KDM1B: variants seen among roughly 807,000 people sequenced by gnomAD.
KDM1B encodes the protein lysine demethylase 1B.
KDM1B carries 63 observed loss-of-function variants against 107.4 expected under a neutral mutation model. The ratio of observed to expected loss-of-function variants is 0.59; its 90% CI spans 0.48 to 0.72. The LOEUF is 0.72. Ranked by LOEUF, KDM1B falls within the 30% of genes least tolerant of loss-of-function variation. KDM1B has a pLI of 0.00. For missense variants in KDM1B, 749 were observed against 1,020.8 expected (o/e 0.73, Z 3.63); for synonymous variants, 363 against 363.9 (o/e 1.00, Z 0.03).
At chr6:18,192,382 A>G (rs1367220580) in intron 10 of KDM1B, among the ~76,000 whole-genome samples, 1 of 152,222 alleles carries the variant, frequency 6.6e-6, no homozygotes, top group Non-Finnish European at 1.5e-5. Context: ...GATCTTGACT[A>G]AAGAAAGATA....
chr6:18,163,896 A>G (rs951270059), intron 5 of KDM1B, among the ~76,000 whole-genome samples: 2 of 152,060 alleles, frequency 1.3e-5, no homozygotes, highest in African/African-American at 4.8e-5. Context: ...GTATTTTGCT[A>G]TTGTCAGGTG....
At chr6:18,182,970 C>T (rs1382518894) in intron 7 of KDM1B, among the ~76,000 whole-genome samples, 7 of 152,164 alleles carry the variant, frequency 4.6e-5, no homozygotes, top group Non-Finnish European at 7.3e-5. Context: ...AGCTTTCTAT[C>T]TGTGCTATTT....
intron 10 of KDM1B, among the ~76,000 whole-genome samples, chr6:18,196,776 G>A (rs1228402402): frequency 2.0e-5 from 3 of 152,134 alleles, no homozygotes; most frequent in African/African-American, 2.4e-5. Flanking sequence ...TAGAGGTAGC[G>A]TAAAGCATGC....
chr6:18,195,210 A>G (rs1787562671), intron 10 of KDM1B, among the ~76,000 whole-genome samples: 1 of 152,030 alleles, frequency 6.6e-6, no homozygotes, highest in Non-Finnish European at 1.5e-5. Flanking sequence ...AATTGTTTCC[A>G]CCTTTTCCCT....
intron 21 of KDM1B, among the ~76,000 whole-genome samples, chr6:18,219,066 C>T (rs1456747166): frequency 6.6e-6 from 1 of 151,998 alleles, no homozygotes; most frequent in Non-Finnish European, 1.5e-5. Flanking sequence ...CCACGCCCGA[C>T]TAATTTTTTG....
rs920110586 is a variant in KDM1B, at chr6:18,201,130, AGTGTTTGT to A, written c.1360-342_1360-335del. Among the ~76,000 whole-genome samples, 7 of 152,126 alleles carry A rather than the reference AGTGTTTGT, an allele frequency of 4.6e-5. No individual in the cohort carries two copies. The East Asian group carries it at 5.8e-4, about 13-fold the overall frequency. On this transcript the variant is annotated intron_variant, in intron 13 of 21. Coordinates refer to ENST00000650836, the MANE Select transcript of KDM1B (RefSeq NM_001364614.2). The surrounding 1 kb of genome is among the most constrained non-coding windows in gnomAD (Gnocchi z 4.3). The stretch of plus-strand genomic sequence containing the variant: ...CAATTCAATTTCAACTTCTGCTATG[AGTGTTTGT>A]GTGTTTGTGTGTTCATTTACATGAG...
intron 2 of KDM1B, among the ~76,000 whole-genome samples, chr6:18,158,093 G>T (rs1488666109): frequency 6.6e-6 from 1 of 152,026 alleles, no homozygotes; most frequent in East Asian, 1.9e-4. Flanking sequence ...GATTACAGGC[G>T]TGAGCCACCG....
Position 18,208,116 on chromosome 6 carries a change from A to G in KDM1B, c.1792-16A>G. On this transcript the variant is annotated splice_polypyrimidine_tract_variant and intron_variant, in intron 16 of 21. Coordinates refer to ENST00000650836, the MANE Select transcript of KDM1B (RefSeq NM_001364614.2). ...GTTCCATCCCTCACTTTTTTTCATA[A>G]TTGCTTTTTGAGCAGGTGCAGTGTA... is the stretch of plus-strand genomic sequence containing the variant. 6.2e-7 allele frequency: 1 copy of G among 1,604,668 alleles called. No homozygotes were observed. The highest frequency in any genetic ancestry group is 8.5e-7 in the Non-Finnish European group (1 of 1,172,700).
rs141946722 is a variant in KDM1B, at chr6:18,182,256, A to C, written c.535-3516A>C. On this transcript the variant is annotated intron_variant, in intron 7 of 21. Transcript: ENST00000650836. ...CCCCAACCCCAGTCACCCTCCTTTG[A>C]GACCCCTTCATCTTATTGTTCCAGT... 4.7e-3 allele frequency among the ~76,000 whole-genome samples: 721 copies of C among 152,236 alleles called. 4 individuals are homozygous for C. The highest frequency in any genetic ancestry group is 9.2e-3 in the Admixed American group (141 of 15,280).
chr6:18,184,834 C>T (rs147586838), intron 7 of KDM1B, among the ~76,000 whole-genome samples: 1,708 of 139,174 alleles, frequency 0.012, 32 homozygotes, highest in African/African-American at 0.043. Flanking sequence ...CTCCTGGGCT[C>T]AATCAGTCCT....
At chr6:18,195,295 G>GCC (rs1787569387) in intron 10 of KDM1B, among the ~76,000 whole-genome samples, 1 of 152,102 alleles carries the variant, frequency 6.6e-6, no homozygotes, top group Non-Finnish European at 1.5e-5. Flanking sequence ...CTAAGGATTG[G>GCC]AATTACTGGG....
chr6:18,188,703 T>G (rs1340066040), intron 9 of KDM1B, among the ~76,000 whole-genome samples: 1 of 152,096 alleles, frequency 6.6e-6, no homozygotes, highest in Non-Finnish European at 1.5e-5. Context: ...ATCCTCCAGC[T>G]CCTGGGTTCA....
At chr6:18,156,036 TGTCAGAG>T (rs944189991) in intron 2 of KDM1B, 110 bp downstream of exon 2, 4 of 152,222 alleles carry the variant, frequency 2.6e-5, no homozygotes, top group Non-Finnish European at 4.4e-5. Context: ...TCCTGGGGAC[TGTCAGAG>T]CCGCGGGAGA....
chr6:18,222,377 T>C lies in KDM1B; in HGVS notation c.*385T>C. Reference sequence around the variant, plus strand: ...AACCAAGTCAATCAAGCAGGAATCATTTAAAAACCAGATAAAGCCATGTTT... The same window carrying C: ...AACCAAGTCAATCAAGCAGGAATCACTTAAAAACCAGATAAAGCCATGTTT... On this transcript the variant is annotated 3_prime_UTR_variant, in exon 22 of 22. Coordinates refer to ENST00000650836, the MANE Select transcript of KDM1B (RefSeq NM_001364614.2). 1 of 322,738 alleles carries C rather than the reference T, an allele frequency of 3.1e-6. No individual in the cohort carries two copies. 20.0% of individuals were successfully genotyped at this position (322,738 alleles called of 1,614,324 possible).
intron 21 of KDM1B, among the ~76,000 whole-genome samples, chr6:18,219,785 C>T (rs2151054768): frequency 6.6e-6 from 1 of 152,302 alleles, no homozygotes; most frequent in South Asian, 2.1e-4. Flanking sequence ...GCCGGATTCC[C>T]AAACATCACT....
intron 17 of KDM1B, among the ~76,000 whole-genome samples, chr6:18,208,609 A>G (rs1285547140): frequency 0.016 from 404 of 26,046 alleles, 31 homozygotes; most frequent in Non-Finnish European, 0.022. Context: ...GTATGTATAT[A>G]TATATATATA....
intron 7 of KDM1B, among the ~76,000 whole-genome samples, chr6:18,184,591 G>A (rs532857290): frequency 1.3e-5 from 2 of 151,832 alleles, no homozygotes; most frequent in East Asian, 3.9e-4. Flanking sequence ...AACTTCTTTT[G>A]CCCAACATTG....
In KDM1B at chr6:18,222,345, A is replaced by G; in HGVS notation, c.*353A>G. ...TTATATGGCTGATCAATTTTCATAC[A>G]TTGAGAAACCAAGTCAATCAAGCAG... On this transcript the variant is annotated 3_prime_UTR_variant, in exon 22 of 22. Coordinates refer to ENST00000650836, the MANE Select transcript of KDM1B (RefSeq NM_001364614.2). The G allele has an allele frequency of 2.8e-6, 1 of 352,370 alleles. No homozygotes were observed. Among genetic ancestry groups the G allele is most frequent in the Non-Finnish European group, 5.5e-6 (1 of 182,336 alleles). 21.8% of individuals were successfully genotyped at this position (352,370 alleles called of 1,614,324 possible). A position where few individuals can be genotyped will look rare whatever the true frequency, so the allele number is the denominator to read the frequency against.
chr6:18,200,398 C>G lies in KDM1B; in HGVS notation c.1222-41C>G. On this transcript the variant is annotated intron_variant, in intron 12 of 21. Transcript: ENST00000650836. The surrounding 1 kb of genome is among the most constrained non-coding windows in gnomAD (Gnocchi z 4.3). ...TTATAATACTGTGTCTGATATAACT[C>G]TTGTGTCCTATTTAGCTTCCCTGAC... 1 of 1,598,732 alleles carries G rather than the reference C, an allele frequency of 6.3e-7. No homozygotes were observed. Among genetic ancestry groups the G allele is most frequent in the Non-Finnish European group, 8.5e-7 (1 of 1,170,614 alleles).
Sources: gnomAD v4.1 joint callset for allele counts (sites outside exome capture counted in the v4.1 genomes callset) on GRCh38, gnomAD v4.1.1 for gene constraint, Gnocchi (gnomAD v3.1) non-coding constraint, MANE v1.5 for transcripts, NCBI Gene and HGNC (gene_info 2026-07-23, HGNC 2026-07-21) for gene names.